Variants in PTPRR observed in about 807,000 individuals in gnomAD.
The protein encoded by PTPRR is protein tyrosine phosphatase receptor type R, also known as receptor-type tyrosine-protein phosphatase R.
Under a neutral mutation model 77.2 loss-of-function variants are expected in PTPRR, and 38 were observed. That is an observed-to-expected ratio of 0.49 (90% CI 0.38 to 0.65). The LOEUF (loss-of-function observed/expected upper bound fraction) is 0.65, where lower values mean the gene tolerates loss of function less well. PTPRR is among the 30% of genes least tolerant of loss of function. The pLI, the probability that PTPRR is intolerant of heterozygous loss-of-function variation, is 0.00. For missense variants in PTPRR, 744 were observed against 799.2 expected, an observed-to-expected ratio of 0.93 and a Z score of 0.83; for synonymous variants, 299 against 283.1, an observed-to-expected ratio of 1.06 and a Z score of -0.57.
intron 2 of PTPRR, among the ~76,000 whole-genome samples, chr12:70,892,123 AT>A (rs1163547932): frequency 7.2e-5 from 11 of 152,084 alleles, no homozygotes; most frequent in Non-Finnish European, 1.6e-4. Context: ...ACTTTTATTA[AT>A]AAAGAATGGT....
intron 1 of PTPRR, among the ~76,000 whole-genome samples, chr12:70,900,179 A>G (rs1456080815): frequency 6.6e-6 from 1 of 151,414 alleles, no homozygotes; most frequent in Non-Finnish European, 1.5e-5. Flanking sequence ...AGAAAGGCAA[A>G]ATAAATAGAA....
intron 2 of PTPRR, among the ~76,000 whole-genome samples, chr12:70,806,599 C>A (rs1353719690): frequency 6.6e-6 from 1 of 152,142 alleles, no homozygotes; most frequent in Non-Finnish European, 1.5e-5. Context: ...CAGCACATAA[C>A]TTCCTTATAA....
At chr12:70,739,129 C>T (rs749109571) in intron 6 of PTPRR, among the ~76,000 whole-genome samples, 2 of 152,282 alleles carry the variant, frequency 1.3e-5, no homozygotes, top group South Asian at 4.1e-4. Context: ...TGTTATATGA[C>T]AGGCTCAACT....
At position 70,818,833 on chromosome 12, in the gene PTPRR, A is replaced by G. The variant is rs574400260; in HGVS notation, c.358-54055T>C. 5.3e-5 allele frequency among the ~76,000 whole-genome samples: 8 copies of G among 152,348 alleles called. No homozygotes were observed. The South Asian group carries it at 1.7e-3, about 32-fold the overall frequency. On this transcript the variant is annotated intron_variant, in intron 2 of 13. Transcript: ENST00000283228. ...TCACTTCACAGGTATCTATTCCAAA[A>G]AAAAATCATGGTAAGCCAAAGATCA...
intron 2 of PTPRR, among the ~76,000 whole-genome samples, chr12:70,853,802 G>A (rs569706455): frequency 6.6e-6 from 1 of 152,134 alleles, no homozygotes; most frequent in African/African-American, 2.4e-5. Context: ...AAAAACACTG[G>A]TCACATATGT....
chr12:70,683,094 T>G (rs1025593375), intron 10 of PTPRR, among the ~76,000 whole-genome samples: 1 of 152,172 alleles, frequency 6.6e-6, no homozygotes, highest in Non-Finnish European at 1.5e-5. Context: ...ACATATAAAT[T>G]GCTGTTTTGT....
chr12:70,727,928 AT>A (rs535812837), intron 6 of PTPRR, among the ~76,000 whole-genome samples: 2 of 152,222 alleles, frequency 1.3e-5, no homozygotes, highest in Non-Finnish European at 2.9e-5. Flanking sequence ...AAGAAAGAAA[AT>A]AAGATCATAC....
rs1339130844 is a variant in PTPRR, at chr12:70,892,959, T to C, written c.77A>G (p.Asn26Ser). 1 of 1,612,682 alleles carries C rather than the reference T, an allele frequency of 6.2e-7. No individual in the cohort carries two copies. Among genetic ancestry groups the C allele is most frequent in the Admixed American group, 1.7e-5 (1 of 59,834 alleles). ...CTGATTAATTGCCAAAAAATGATCA[T>C]TGTTTCCTGAAAAGCACCCTGAAAG... ...LHAAGCFSGN[N>S]DHFLAINQKK... The change falls in exon 2 of 14, where the codon AAT (asparagine) becomes AGT (serine). Residue 26 changes from asparagine (N) to serine (S), a missense_variant. By Grantham distance (46) the Asn-to-Ser change is conservative. Transcript: ENST00000283228.
At chr12:70,850,444 A>G (rs1355668257) in intron 2 of PTPRR, among the ~76,000 whole-genome samples, 1 of 152,202 alleles carries the variant, frequency 6.6e-6, no homozygotes, top group East Asian at 1.9e-4. Flanking sequence ...GCTTGAAATA[A>G]TAAGCTGAAT....
At chr12:70,902,937 T>C (rs765973511) in intron 1 of PTPRR, among the ~76,000 whole-genome samples, 1 of 151,768 alleles carries the variant, frequency 6.6e-6, no homozygotes, top group Admixed American at 6.6e-5. Flanking sequence ...TTCAGTCTTA[T>C]AAAAGGAAGG....
Position 70,721,850 on chromosome 12 carries a change from T to G in PTPRR, c.1008-20527A>C, listed in dbSNP as rs149708690. The stretch of plus-strand genomic sequence containing the variant: ...ATCGTTGGGAGGATAGTTGGATGAT[T>G]ATTGGAACTGGCAGGTCAGTGAGGG... On this transcript the variant is annotated intron_variant, in intron 6 of 13. Coordinates refer to ENST00000283228, the MANE Select transcript of PTPRR (RefSeq NM_002849.4). 9.8e-3 allele frequency among the ~76,000 whole-genome samples: 1,492 copies of G among 152,252 alleles called. 11 individuals are homozygous for G. Among genetic ancestry groups the G allele is most frequent in the Middle Eastern group, 0.024 (7 of 294 alleles).
intron 10 of PTPRR, among the ~76,000 whole-genome samples, chr12:70,683,543 T>C (rs1277873836): frequency 6.6e-6 from 1 of 152,124 alleles, no homozygotes; most frequent in East Asian, 1.9e-4. Flanking sequence ...CCCACCCTCT[T>C]TGCATTATTA....
At chr12:70,784,783 G>A (rs533901667) in intron 2 of PTPRR, among the ~76,000 whole-genome samples, 1 of 152,338 alleles carries the variant, frequency 6.6e-6, no homozygotes, top group Admixed American at 6.5e-5. Flanking sequence ...CAGTACAAGG[G>A]GAAGTGGAGT....
intron 2 of PTPRR, among the ~76,000 whole-genome samples, chr12:70,837,571 A>G (rs1025795297): frequency 6.6e-6 from 1 of 152,086 alleles, no homozygotes; most frequent in African/African-American, 2.4e-5. Flanking sequence ...TATAAAAGGT[A>G]TTACAAAGGA....
intron 2 of PTPRR, chr12:70,788,888 C>T (rs1021073312): frequency 6.6e-7 from 1 of 1,504,452 alleles, no homozygotes; most frequent in East Asian, 2.5e-5. Flanking sequence ...TATTTCCTTA[C>T]CATAGCAAGC....
intron 10 of PTPRR, among the ~76,000 whole-genome samples, chr12:70,662,829 T>C (rs1304095653): frequency 2.6e-5 from 4 of 151,966 alleles, no homozygotes; most frequent in African/African-American, 9.7e-5. Flanking sequence ...AAAGTATCAG[T>C]TTCATATGTG....
intron 5 of PTPRR, among the ~76,000 whole-genome samples, chr12:70,746,601 C>T (rs776333104): frequency 1.9e-4 from 29 of 152,084 alleles, no homozygotes; most frequent in African/African-American, 2.7e-4. Flanking sequence ...CTGGTAAATA[C>T]TTGACAAATT....
At chr12:70,779,734 T>C (rs1027106624) in intron 2 of PTPRR, among the ~76,000 whole-genome samples, 8 of 152,194 alleles carry the variant, frequency 5.3e-5, no homozygotes, top group Non-Finnish European at 8.8e-5. Flanking sequence ...ACATGAGTCA[T>C]GATAACCAAC....
At chr12:70,865,726 T>C (rs1049482698) in intron 2 of PTPRR, among the ~76,000 whole-genome samples, 1 of 152,232 alleles carries the variant, frequency 6.6e-6, no homozygotes, top group African/African-American at 2.4e-5. Context: ...TGTATGTTAA[T>C]GCTTTGTTTT....
Sources: gnomAD v4.1 joint callset for allele counts (sites outside exome capture counted in the v4.1 genomes callset) on GRCh38, gnomAD v4.1.1 for gene constraint, MANE v1.5 for transcripts, NCBI Gene and HGNC (gene_info 2026-07-23, HGNC 2026-07-21) for gene names.